ZCCHC24: variants seen among roughly 807,000 people sequenced by gnomAD.
ZCCHC24 encodes the protein zinc finger CCHC-type containing 24.
A neutral mutation model predicts 26.2 loss-of-function variants in ZCCHC24; 10 were observed. That is an observed-to-expected ratio of 0.38 (90% CI 0.24 to 0.65). The LOEUF (loss-of-function observed/expected upper bound fraction) is 0.65. ZCCHC24 is among the 30% of genes least tolerant of loss of function. The probability of loss-of-function intolerance (pLI) is 0.54; values close to 1 mark genes in which losing one functional copy is unlikely to be tolerated. For missense variants in ZCCHC24, 243 were observed against 329.1 expected, an observed-to-expected ratio of 0.74 and a Z score of 2.03; for synonymous variants, 144 against 147.1, an observed-to-expected ratio of 0.98 and a Z score of 0.15.
At chr10:79,423,581 C>CTATATATATATTTTTTATATA in intron 2 of ZCCHC24, among the ~76,000 whole-genome samples, 2 of 53,766 alleles carry the variant, frequency 3.7e-5, no homozygotes, top group South Asian at 6.5e-4. Context: ...AATATATATA[C>CTATATATATATTTTTTATATA]TATATATATA....
chr10:79,424,182 C>T (rs1856995822), intron 2 of ZCCHC24, among the ~76,000 whole-genome samples: 1 of 152,184 alleles, frequency 6.6e-6, no homozygotes, highest in African/African-American at 2.4e-5. Context: ...TCTGATAGTT[C>T]CCTAGTTCCC....
intron 2 of ZCCHC24, among the ~76,000 whole-genome samples, chr10:79,412,110 T>C (rs1210246797): frequency 2.0e-5 from 3 of 152,228 alleles, no homozygotes; most frequent in Admixed American, 2.0e-4. Flanking sequence ...GCCTGTGCCC[T>C]GAACTGGGCC....
In ZCCHC24 at chr10:79,445,258, C is replaced by T; in HGVS notation, c.183G>A (p.Glu61=). 1.4e-6 allele frequency: 2 copies of T among 1,426,322 alleles called. No individual in the cohort carries two copies. Among genetic ancestry groups the T allele is most frequent in the Non-Finnish European group, 1.8e-6 (2 of 1,085,262 alleles). 88.4% of individuals were successfully genotyped at this position (1,426,322 alleles called of 1,614,324 possible). The stretch of plus-strand genomic sequence containing the variant: ...TGGAGTGCAGGGGCGAGCCCAGCTG[C>T]TCGGGGCGGCCCTTGCCGAAGGCCA... ...PELAFGKGRP[E]QLGSPLHSSY... is the part of the protein sequence containing the mutation. Residue 61 remains glutamate (E), a synonymous_variant, in exon 1 of 4, where the codon GAG becomes GAA. Transcript: ENST00000372336.
chr10:79,404,541 A>G (rs1278508134), intron 2 of ZCCHC24, among the ~76,000 whole-genome samples: 1 of 152,180 alleles, frequency 6.6e-6, no homozygotes, highest in Non-Finnish European at 1.5e-5. Context: ...TGGATGGAAG[A>G]TCTGCAGCCA....
chr10:79,445,257 G>T lies in ZCCHC24; in HGVS notation c.184C>A (p.Gln62Lys). ...CTGGAGTGCAGGGGCGAGCCCAGCT[G>T]CTCGGGGCGGCCCTTGCCGAAGGCC... ...ELAFGKGRPE[Q>K]LGSPLHSSYL... is the part of the protein sequence containing the mutation. Residue 62 changes from glutamine (Q) to lysine (K), a missense_variant, in exon 1 of 4, where the codon CAG (glutamine) becomes AAG (lysine). Physicochemically the swap from Gln to Lys is moderately conservative, Grantham distance 53. Around this residue, in one of 2 missense-constraint regions of ZCCHC24, gnomAD observed 147 missense variants for 150.8 expected, o/e 0.97. Transcript: ENST00000372336. 1 of 1,425,460 alleles carries T rather than the reference G, an allele frequency of 7.0e-7. No individual in the cohort carries two copies. The allele number at this position is 1,425,460 out of a possible 1,614,324, so 88.3% of individuals were successfully genotyped here.
chr10:79,423,808 A>G (rs1184090917), intron 2 of ZCCHC24, among the ~76,000 whole-genome samples: 4 of 150,712 alleles, frequency 2.7e-5, no homozygotes, highest in Admixed American at 2.6e-4. Context: ...ACTTGAGGTC[A>G]AGAGTTTGAA....
chr10:79,444,898 TCC>T (rs1190229706), intron 1 of ZCCHC24, among the ~76,000 whole-genome samples: 2 of 151,656 alleles, frequency 1.3e-5, no homozygotes, highest in East Asian at 3.9e-4. Flanking sequence ...CCTCCTCAAC[TCC>T]CTCCCCCAAC....
rs750113908 is a variant in ZCCHC24 at position 79,386,466 on chromosome 10, GAGA to G, written c.613-11_613-9del. On this transcript the variant is annotated splice_polypyrimidine_tract_variant and intron_variant, in intron 3 of 3. Transcript: ENST00000372336. ...GGGCTTCTCCAGGGGTCTCTGCAGAGAGAAGGAGGAAGGGGCCCAGGGGAGTGA... is the reference window on the plus strand; with the variant it reads ...GGGCTTCTCCAGGGGTCTCTGCAGAGAGGAGGAAGGGGCCCAGGGGAGTGA... The G allele has an allele frequency of 6.6e-5, 104 of 1,585,192 alleles. No homozygotes were observed. The highest frequency in any genetic ancestry group is 8.6e-5 in the Non-Finnish European group (100 of 1,159,160).
intron 1 of ZCCHC24, among the ~76,000 whole-genome samples, chr10:79,441,581 A>C (rs989366887): frequency 2.0e-5 from 3 of 152,052 alleles, no homozygotes; most frequent in Non-Finnish European, 4.4e-5. Context: ...TCTCTGCTCA[A>C]ATAGGTGTGG....
chr10:79,398,806 C>A (rs1856588703), intron 2 of ZCCHC24, among the ~76,000 whole-genome samples: 1 of 152,174 alleles, frequency 6.6e-6, no homozygotes, highest in Non-Finnish European at 1.5e-5. Context: ...CCGTCAGACC[C>A]CCAGCCAACT....
At chr10:79,435,082 G>A (rs903205945) in intron 1 of ZCCHC24, among the ~76,000 whole-genome samples, 1 of 151,974 alleles carries the variant, frequency 6.6e-6, no homozygotes, top group Non-Finnish European at 1.5e-5. Flanking sequence ...GCCTCCCAGA[G>A]AAAAGTTCAT....
intron 2 of ZCCHC24, among the ~76,000 whole-genome samples, chr10:79,408,497 G>A (rs898738256): frequency 6.6e-6 from 1 of 152,136 alleles, no homozygotes; most frequent in African/African-American, 2.4e-5. Context: ...CTTTCCACAT[G>A]TGCCCTCGAC....
chr10:79,386,534 G>A (rs2132170741), intron 3 of ZCCHC24, 76 bp from the exon 4 acceptor site: 1 of 1,156,562 alleles, frequency 8.6e-7, no homozygotes, highest in Non-Finnish European at 1.2e-6. Flanking sequence ...GACAGGGAGA[G>A]ACACACAGAG....
chr10:79,422,045 C>T (rs1020367140), intron 2 of ZCCHC24, among the ~76,000 whole-genome samples: 2 of 152,142 alleles, frequency 1.3e-5, no homozygotes, highest in African/African-American at 4.8e-5. Context: ...ACTTTATAAG[C>T]CTGAGAGCCT....
At position 79,445,392 on chromosome 10, in the gene ZCCHC24, G is replaced by C; in HGVS notation, c.49C>G (p.Pro17Ala). Residue 17 changes from proline to alanine, a missense_variant, in exon 1 of 4, where the codon CCC (proline) becomes GCC (alanine). By Grantham distance (27) the Pro-to-Ala change is conservative. This residue lies in a region of ZCCHC24 where 147 missense variants were observed against 150.8 expected (regional missense o/e 0.97). Coordinates refer to ENST00000372336, the MANE Select transcript of ZCCHC24 (RefSeq NM_153367.4). ...IDTSAASVYQ[P>A]AQLLNWVYLS... is the part of the protein sequence containing the mutation. The stretch of plus-strand genomic sequence containing the variant: ...TAGACCCAGTTGAGCAGCTGGGCGG[G>C]CTGGTACACCGAGGCGGCGCTCGTG... 1 of 1,513,750 alleles carries C rather than the reference G, an allele frequency of 6.6e-7. No individual in the cohort carries two copies. 93.8% of individuals were successfully genotyped at this position (1,513,750 alleles called of 1,614,324 possible).
intron 2 of ZCCHC24, among the ~76,000 whole-genome samples, chr10:79,423,449 G>T (rs1481314835): frequency 2.6e-5 from 4 of 151,066 alleles, no homozygotes; most frequent in Non-Finnish European, 5.9e-5. Flanking sequence ...TACTCGGGAG[G>T]CTGAGGGAGG....
chr10:79,432,377 A>G (rs1202595226), intron 2 of ZCCHC24, among the ~76,000 whole-genome samples, 181 bp downstream of exon 2: 1 of 152,200 alleles, frequency 6.6e-6, no homozygotes, highest in Non-Finnish European at 1.5e-5. Flanking sequence ...TCCTGACCAC[A>G]CCAGCCAGCC....
chr10:79,433,719 T>G (rs1464426218), intron 1 of ZCCHC24, among the ~76,000 whole-genome samples: 1 of 152,230 alleles, frequency 6.6e-6, no homozygotes, highest in South Asian at 2.1e-4. Context: ...GCTGCGGACC[T>G]TGGGGGGCCT....
At chr10:79,442,994 TC>T (rs1399800747) in intron 1 of ZCCHC24, among the ~76,000 whole-genome samples, 1 of 152,084 alleles carries the variant, frequency 6.6e-6, no homozygotes, top group African/African-American at 2.4e-5. Context: ...GAGAAGCCCC[TC>T]TTGACTCCCC....
Sources: gnomAD v4.1 joint callset for allele counts (sites outside exome capture counted in the v4.1 genomes callset) on GRCh38, gnomAD v4.1.1 for gene constraint, gnomAD v4.1.1 regional missense constraint, MANE v1.5 for transcripts, NCBI Gene and HGNC (gene_info 2026-07-23, HGNC 2026-07-21) for gene names.